Variants in ADARB2 observed in about 807,000 individuals in gnomAD.
The protein encoded by ADARB2 is inactive double-stranded RNA-specific editase B2.
ADARB2 carries 25 observed loss-of-function variants against 62.2 expected under a neutral mutation model. The observed-to-expected ratio is 0.40, with a 90% CI of 0.29 to 0.56. The LOEUF (loss-of-function observed/expected upper bound fraction) is 0.56, where lower values mean the gene tolerates loss of function less well. Among genes scored for constraint, ADARB2 ranks in the 20% least tolerant of loss-of-function variants. The pLI is 0.43. For synonymous variants in ADARB2, 572 were observed against 500.8 expected (o/e 1.14, Z -1.90); for missense variants, 1,071 against 1,077.4 (o/e 0.99, Z 0.08).
At chr10:1,472,501 C>T (rs11250554) in intron 1 of ADARB2, among the ~76,000 whole-genome samples, 13,761 of 152,126 alleles carry the variant, frequency 0.09, 833 homozygotes, top group East Asian at 0.31. Flanking sequence ...AAGTGGACAC[C>T]GGGCCAGGAG....
chr10:1,668,681 GT>G (rs1274650959), intron 1 of ADARB2, among the ~76,000 whole-genome samples: 1 of 152,198 alleles, frequency 6.6e-6, no homozygotes, highest in African/African-American at 2.4e-5. Context: ...CGTGTGCACT[GT>G]TCTGCGGCAC....
At chr10:1,592,233 T>G (rs1158747423) in intron 1 of ADARB2, among the ~76,000 whole-genome samples, 2 of 152,168 alleles carry the variant, frequency 1.3e-5, no homozygotes, top group African/African-American at 4.8e-5. Flanking sequence ...CCGTGCCACA[T>G]GATCCCCTCT....
intron 3 of ADARB2, among the ~76,000 whole-genome samples, chr10:1,354,666 G>GGGGA (rs1337453188): frequency 6.6e-6 from 1 of 152,234 alleles, no homozygotes; most frequent in African/African-American, 2.4e-5. Flanking sequence ...TCCTTGGGAT[G>GGGGA]GGGAAGGTGG....
At chr10:1,718,519 C>T (rs938062697) in intron 1 of ADARB2, among the ~76,000 whole-genome samples, 5 of 152,214 alleles carry the variant, frequency 3.3e-5, no homozygotes, top group African/African-American at 4.8e-5. Flanking sequence ...AGTCCACAAT[C>T]GAGTCTCTCT....
intron 1 of ADARB2, among the ~76,000 whole-genome samples, chr10:1,391,766 A>ATTTTTTTTTTTTTTTTTTT (rs60956446): frequency 1.1e-5 from 1 of 91,614 alleles, no homozygotes. Flanking sequence ...TAAGAATTGG[A>ATTTTTTTTTTTTTTTTTTT]TTTTTTTTTT....
At chr10:1,209,266 C>T (rs1458706972) in intron 7 of ADARB2, among the ~76,000 whole-genome samples, 1 of 152,038 alleles carries the variant, frequency 6.6e-6, no homozygotes, top group Admixed American at 6.6e-5. Context: ...CTGACACCCA[C>T]ACCCATGCCC....
intron 1 of ADARB2, among the ~76,000 whole-genome samples, chr10:1,413,966 C>T (rs929291459): frequency 1.3e-5 from 2 of 152,110 alleles, no homozygotes; most frequent in African/African-American, 4.8e-5. Context: ...CAGTGAAGCC[C>T]AAAAAACAAT....
intron 1 of ADARB2, among the ~76,000 whole-genome samples, chr10:1,591,310 CCAT>C (rs1377464988): frequency 1.8e-4 from 27 of 152,212 alleles, no homozygotes. Context: ...CGAGGGCGTG[CCAT>C]CCCCTTCCTT....
intron 4 of ADARB2, among the ~76,000 whole-genome samples, chr10:1,251,547 G>T (rs183246619): frequency 6.6e-6 from 1 of 152,132 alleles, no homozygotes; most frequent in Non-Finnish European, 1.5e-5. Flanking sequence ...GTCCAACACC[G>T]GGAGCGAACC....
intron 4 of ADARB2, among the ~76,000 whole-genome samples, chr10:1,269,210 C>G (rs1831235940): frequency 6.6e-6 from 1 of 152,038 alleles, no homozygotes; most frequent in African/African-American, 2.4e-5. Context: ...GTGTAACACT[C>G]CACATTTTAA....
intron 8 of ADARB2, among the ~76,000 whole-genome samples, chr10:1,192,515 A>G (rs1344933318): frequency 9.2e-5 from 14 of 152,342 alleles, no homozygotes; most frequent in Admixed American, 7.8e-4. Flanking sequence ...TGTCTTTATA[A>G]TTGCCAGTAA....
At chr10:1,469,333 C>G (rs764838356) in intron 1 of ADARB2, among the ~76,000 whole-genome samples, 16 of 152,232 alleles carry the variant, frequency 1.1e-4, no homozygotes, top group Admixed American at 3.9e-4. Context: ...GGAGTCACAT[C>G]TCTAAGTCCA....
chr10:1,593,677 G>T (rs578229109), intron 1 of ADARB2, among the ~76,000 whole-genome samples: 1 of 152,280 alleles, frequency 6.6e-6, no homozygotes, highest in African/African-American at 2.4e-5. Context: ...TTTATGATTT[G>T]GTTTGTTTTT....
intron 1 of ADARB2, among the ~76,000 whole-genome samples, chr10:1,658,206 GTCTCTC>G (rs968377362): frequency 1.3e-5 from 2 of 148,568 alleles, no homozygotes; most frequent in Non-Finnish European, 3.0e-5. Flanking sequence ...GTCTTTTTCT[GTCTCTC>G]TCTGTCTCTA....
intron 1 of ADARB2, among the ~76,000 whole-genome samples, chr10:1,641,462 A>C (rs987758006): frequency 6.6e-6 from 1 of 152,226 alleles, no homozygotes; most frequent in Non-Finnish European, 1.5e-5. Context: ...TTTTTGAAGG[A>C]AATAAAAGGT....
chr10:1,416,965 C>T (rs539819973), intron 1 of ADARB2, among the ~76,000 whole-genome samples: 59 of 152,324 alleles, frequency 3.9e-4, no homozygotes, highest in African/African-American at 1.3e-3. Context: ...TCAGACCCCC[C>T]GGCTTAGGAG....
rs560318319 is a variant in ADARB2 at position 1,445,864 on chromosome 10, T to C, written c.101-66704A>G. On this transcript the variant is annotated intron_variant, in intron 1 of 9. Coordinates refer to ENST00000381312, the MANE Select transcript of ADARB2 (RefSeq NM_018702.4). ...CATACGGTTGATGATTTGGATAAGA[T>C]AGTTATGCAATGTAAATGACAAAAC... is the stretch of plus-strand genomic sequence containing the variant. Among the ~76,000 whole-genome samples the C allele has an allele frequency of 5.0e-4, 76 of 152,214 alleles. 1 individual carries two copies. Among genetic ancestry groups the C allele is most frequent in the Non-Finnish European group, 6.0e-4 (41 of 68,034 alleles).
intron 1 of ADARB2, among the ~76,000 whole-genome samples, chr10:1,407,235 G>A (rs771849931): frequency 6.6e-5 from 10 of 152,198 alleles, no homozygotes; most frequent in Non-Finnish European, 1.3e-4. Flanking sequence ...GAACAGCCGG[G>A]CAGCACCACT....
intron 7 of ADARB2, among the ~76,000 whole-genome samples, chr10:1,204,858 C>G (rs144491383): frequency 6.6e-6 from 1 of 152,346 alleles, no homozygotes; most frequent in African/African-American, 2.4e-5. Context: ...GACAGTTCGT[C>G]CCTTCGCCAG....
Sources: gnomAD v4.1 joint callset for allele counts (sites outside exome capture counted in the v4.1 genomes callset) on GRCh38, gnomAD v4.1.1 for gene constraint, MANE v1.5 for transcripts, NCBI Gene and HGNC (gene_info 2026-07-23, HGNC 2026-07-21) for gene names.